Variants in MAP2K1 observed in about 807,000 individuals in gnomAD.
The protein encoded by MAP2K1 is dual specificity mitogen-activated protein kinase kinase 1.
MAP2K1 carries 16 observed loss-of-function variants against 46.3 expected under a neutral mutation model. The observed-to-expected ratio is 0.35, with a 90% CI of 0.23 to 0.52. The LOEUF (loss-of-function observed/expected upper bound fraction) is 0.52, where lower values mean the gene tolerates loss of function less well. Ranked by LOEUF, MAP2K1 falls within the 20% of genes least tolerant of loss-of-function variation. The pLI, the probability that MAP2K1 is intolerant of heterozygous loss-of-function variation, is 0.94. For synonymous variants in MAP2K1, 183 were observed against 185.6 expected (o/e 0.99, Z 0.11); for missense variants, 263 against 497.1 (o/e 0.53, Z 4.48).
chr15:66,408,771 G>A lies in MAP2K1; in HGVS notation c.80+21344G>A, dbSNP rs1357493562. On this transcript the variant is annotated intron_variant, in intron 1 of 10. Transcript: ENST00000307102. Reference sequence around the variant, plus strand: ...ATTCCCGTCTCCACCTCCAATATACGTATGTTGAAATCTTCATCTTACGTC... The same window carrying A: ...ATTCCCGTCTCCACCTCCAATATACATATGTTGAAATCTTCATCTTACGTC... 2.0e-5 allele frequency among the ~76,000 whole-genome samples: 3 copies of A among 151,978 alleles called. No individual in the cohort carries two copies. The South Asian group carries it at 6.2e-4, about 32-fold the overall frequency.
At chr15:66,396,347 T>G (rs955613266) in intron 1 of MAP2K1, among the ~76,000 whole-genome samples, 1 of 151,900 alleles carries the variant, frequency 6.6e-6, no homozygotes, top group Non-Finnish European at 1.5e-5. Context: ...GGCATGATCT[T>G]GGCTCACGGC....
intron 1 of MAP2K1, among the ~76,000 whole-genome samples, chr15:66,392,467 C>T (rs2093358928): frequency 1.3e-5 from 2 of 151,280 alleles, no homozygotes; most frequent in Admixed American, 1.3e-4. Flanking sequence ...GTATGAGCCA[C>T]TGTGCTGGTG....
At chr15:66,484,861 A>G (rs1424544791) in intron 6 of MAP2K1, 129 bp from the exon 7 acceptor site, 17 of 868,150 alleles carry the variant, frequency 2.0e-5, no homozygotes, top group Admixed American at 1.7e-4. Context: ...AGGAGGCCAA[A>G]TTCAAGAGGT....
At chr15:66,425,781 G>A (rs1480483779) in intron 1 of MAP2K1, among the ~76,000 whole-genome samples, 2 of 152,184 alleles carry the variant, frequency 1.3e-5, no homozygotes, top group African/African-American at 2.4e-5. Context: ...GTGTAAACAG[G>A]TACTATTTTG....
chr15:66,421,113 C>G (rs1011663695), intron 1 of MAP2K1, among the ~76,000 whole-genome samples: 34 of 77,772 alleles, frequency 4.4e-4, no homozygotes, highest in Non-Finnish European at 9.0e-4. Context: ...CACACACACA[C>G]ACACACACAC....
At chr15:66,446,086 G>A (rs574244137) in intron 5 of MAP2K1, among the ~76,000 whole-genome samples, 3 of 152,160 alleles carry the variant, frequency 2.0e-5, no homozygotes, top group East Asian at 3.9e-4. Flanking sequence ...TTAGCCGGGC[G>A]TGGTGGCGGG....
chr15:66,420,753 G>GTATA (rs2093436795), intron 1 of MAP2K1, among the ~76,000 whole-genome samples: 1 of 45,348 alleles, frequency 2.2e-5, no homozygotes, highest in African/African-American at 6.2e-5. Context: ...GTGTGTGTGT[G>GTATA]TGTGTGTATG....
chr15:66,444,517 G>A, intron 4 of MAP2K1, 139 bp from the exon 5 acceptor site: 1 of 701,812 alleles, frequency 1.4e-6, no homozygotes, highest in Non-Finnish European at 2.6e-6. Context: ...TGGGCAACAA[G>A]AGTGAAACTG....
chr15:66,431,638 G>T (rs768511840), intron 1 of MAP2K1, among the ~76,000 whole-genome samples: 2 of 152,214 alleles, frequency 1.3e-5, no homozygotes. Flanking sequence ...CCCAGTGAAT[G>T]AAATAAGCAT....
At chr15:66,419,841 A>G (rs2093433369) in intron 1 of MAP2K1, among the ~76,000 whole-genome samples, 1 of 152,072 alleles carries the variant, frequency 6.6e-6, no homozygotes, top group African/African-American at 2.4e-5. Context: ...GGATAGGAAT[A>G]TGTGATTCTT....
intron 6 of MAP2K1, among the ~76,000 whole-genome samples, chr15:66,484,240 C>A (rs971349268): frequency 6.6e-6 from 1 of 151,906 alleles, no homozygotes. Context: ...CTCTGCCTCC[C>A]GGGTTCAAGT....
chr15:66,405,681 T>C (rs1006222696), intron 1 of MAP2K1, among the ~76,000 whole-genome samples: 5 of 152,220 alleles, frequency 3.3e-5, no homozygotes, highest in African/African-American at 1.2e-4. Context: ...GTGACTCCGC[T>C]ACTCTCCCAG....
At chr15:66,469,723 C>CACACACACACACACATAT (rs143830560) in intron 5 of MAP2K1, among the ~76,000 whole-genome samples, 23 of 134,542 alleles carry the variant, frequency 1.7e-4, no homozygotes, top group South Asian at 1.0e-3. Context: ...CACACACACA[C>CACACACACACACACATAT]ATATCGGATG....
At chr15:66,481,961 G>C (rs368311208) in intron 6 of MAP2K1, 82 bp downstream of exon 6, 2 of 1,533,404 alleles carry the variant, frequency 1.3e-6, no homozygotes, top group South Asian at 2.3e-5. Context: ...TGTGGAGCCA[G>C]AGTCTTGTGC....
In MAP2K1 at chr15:66,482,473, G is replaced by A. The variant is rs375277031; in HGVS notation, c.693+594G>A. On this transcript the variant is annotated intron_variant, in intron 6 of 10. Transcript: ENST00000307102. ...TAACTGCAGCATACCTGGACCCCTCGCCAGAGTCTCTGCTCCACTTCAGCC... is the reference window on the plus strand; with the variant it reads ...TAACTGCAGCATACCTGGACCCCTCACCAGAGTCTCTGCTCCACTTCAGCC... 5.9e-5 allele frequency among the ~76,000 whole-genome samples: 9 copies of A among 152,052 alleles called. No homozygotes were observed. In the East Asian group the frequency reaches 1.2e-3, roughly 20 times the overall value.
intron 1 of MAP2K1, among the ~76,000 whole-genome samples, chr15:66,419,285 C>T (rs951180780): frequency 2.0e-5 from 3 of 151,792 alleles, no homozygotes; most frequent in Non-Finnish European, 4.4e-5. Flanking sequence ...TTTGGGAGGC[C>T]GAGGCGGATG....
At chr15:66,420,765 GTGTATATATA>G (rs1281199692) in intron 1 of MAP2K1, among the ~76,000 whole-genome samples, 2 of 34,038 alleles carry the variant, frequency 5.9e-5, no homozygotes, top group Non-Finnish European at 1.6e-4. Flanking sequence ...GTGTGTATGT[GTGTATATATA>G]TGTGTATATA....
chr15:66,387,102 C>T lies in MAP2K1; in HGVS notation c.-246C>T. 2.4e-6 allele frequency: 1 copy of T among 420,054 alleles called. No homozygotes were observed. The highest frequency in any genetic ancestry group is 4.2e-6 in the Non-Finnish European group (1 of 239,198). 26.0% of individuals were successfully genotyped at this position (420,054 alleles called of 1,614,324 possible). ...ACCGCACGTTCAGCCCGCTCCGCTCCTGCAGGGCAGCCTTTCGGCTCTCTG... is the reference window on the plus strand; with the variant it reads ...ACCGCACGTTCAGCCCGCTCCGCTCTTGCAGGGCAGCCTTTCGGCTCTCTG... On this transcript the variant is annotated 5_prime_UTR_variant, in exon 1 of 11. Transcript: ENST00000307102.
intron 3 of MAP2K1, among the ~76,000 whole-genome samples, chr15:66,441,981 TG>T: frequency 6.6e-6 from 1 of 152,286 alleles, no homozygotes; most frequent in East Asian, 1.9e-4. Flanking sequence ...ATCCCCTTAG[TG>T]AGGCATTTCT....
Sources: allele counts gnomAD v4.1 joint callset (sites outside exome capture counted in the v4.1 genomes callset), GRCh38; gene constraint gnomAD v4.1.1; transcripts MANE v1.5; gene names NCBI Gene and HGNC (gene_info 2026-07-23, HGNC 2026-07-21).